SHANK2: variants seen among roughly 807,000 people sequenced by gnomAD.
SHANK2 encodes SH3 and multiple ankyrin repeat domains protein 2.
A neutral mutation model predicts 133.7 loss-of-function variants in SHANK2; 43 were observed. That is an observed-to-expected ratio of 0.32 (90% confidence interval 0.25 to 0.41). The LOEUF is 0.41. Ranked by LOEUF, SHANK2 falls within the 10% of genes least tolerant of loss-of-function variation. The pLI is 1.00. For missense variants in SHANK2, 1,994 were observed against 2,235.8 expected (o/e 0.89, Z 2.18); for synonymous variants, 1,017 against 952.8 (o/e 1.07, Z -1.24).
At chr11:70,902,394 T>C (rs1442136393) in intron 10 of SHANK2, among the ~76,000 whole-genome samples, 2 of 152,236 alleles carry the variant, frequency 1.3e-5, no homozygotes, top group African/African-American at 4.8e-5. Context: ...GCATCCTCCC[T>C]CGCTGGCCTC....
At chr11:71,250,350 T>C (rs1948158269) in intron 1 of SHANK2, among the ~76,000 whole-genome samples, 1 of 152,144 alleles carries the variant, frequency 6.6e-6, no homozygotes, top group Admixed American at 6.5e-5. Context: ...AGGCCTTATA[T>C]AGACAGTGCT....
chr11:70,906,853 C>T (rs535438703), intron 10 of SHANK2, among the ~76,000 whole-genome samples: 5 of 152,218 alleles, frequency 3.3e-5, no homozygotes, highest in African/African-American at 9.6e-5. Flanking sequence ...TCAAGGGAAT[C>T]TCTGCCCATC....
chr11:70,836,640 G>A (rs1348469598), intron 11 of SHANK2, among the ~76,000 whole-genome samples: 1 of 152,192 alleles, frequency 6.6e-6, no homozygotes, highest in Non-Finnish European at 1.5e-5. Context: ...CCAGACTGCA[G>A]ATGCCAGGAC....
rs976105911 is a variant in SHANK2, at chr11:71,078,705, A to C, written c.913-3430T>G. Among the ~76,000 whole-genome samples, 30 of 152,342 alleles carry C rather than the reference A, an allele frequency of 2.0e-4. 1 individual carries two copies. The highest frequency in any genetic ancestry group is 4.6e-4 in the Admixed American group (7 of 15,308). ...TACTGTTGCCATGGCAACACCCAGA[A>C]GTTACCACCCCTTTCCCTGGCAATG... On this transcript the variant is annotated intron_variant, in intron 8 of 25. Transcript: ENST00000601538.
intron 18 of SHANK2, 113 bp downstream of exon 18, chr11:70,502,683 A>T: frequency 3.2e-6 from 4 of 1,243,564 alleles, no homozygotes; most frequent in Non-Finnish European, 4.5e-6. Context: ...GGGCTCTCAG[A>T]AGTGTGGGAT....
intron 10 of SHANK2, among the ~76,000 whole-genome samples, chr11:70,899,453 T>C (rs1555076359): frequency 6.6e-6 from 1 of 152,200 alleles, no homozygotes; most frequent in Non-Finnish European, 1.5e-5. Flanking sequence ...CAGTCTCAGG[T>C]ATTTCTTCAT....
chr11:70,501,142 G>A (rs2059045011), intron 20 of SHANK2, among the ~76,000 whole-genome samples: 1 of 152,226 alleles, frequency 6.6e-6, no homozygotes, highest in Non-Finnish European at 1.5e-5. Flanking sequence ...GGGCACTACT[G>A]GTTCTGGGTG....
chr11:70,605,156 G>A (rs533299125), intron 17 of SHANK2, among the ~76,000 whole-genome samples: 3 of 152,060 alleles, frequency 2.0e-5, no homozygotes, highest in East Asian at 4.0e-4. Context: ...ACAGGGCCAC[G>A]TGTCTTTCTA....
chr11:70,741,166 CCCAT>C (rs1302676092), intron 14 of SHANK2, among the ~76,000 whole-genome samples: 5 of 134,424 alleles, frequency 3.7e-5, no homozygotes, highest in African/African-American at 1.3e-4. Flanking sequence ...GTGTCGCCTA[CCCAT>C]CCATCCATCC....
chr11:70,818,451 A>G (rs1334588013), intron 12 of SHANK2, among the ~76,000 whole-genome samples: 1 of 152,140 alleles, frequency 6.6e-6, no homozygotes, highest in African/African-American at 2.4e-5. Context: ...TAGCACATCT[A>G]GTCTGCAGCC....
intron 2 of SHANK2, among the ~76,000 whole-genome samples, chr11:71,187,260 G>C (rs1555114611): frequency 6.6e-6 from 1 of 152,250 alleles, no homozygotes; most frequent in Non-Finnish European, 1.5e-5. Flanking sequence ...ATGTAGACAT[G>C]AGGGGTAGAT....
At chr11:71,094,353 A>G (rs1555094840) in intron 7 of SHANK2, among the ~76,000 whole-genome samples, 184 bp downstream of exon 7, 2 of 152,088 alleles carry the variant, frequency 1.3e-5, no homozygotes, top group Admixed American at 1.3e-4. Context: ...CAGGAGAGAG[A>G]ACAGGAAAAT....
At chr11:71,225,297 A>G (rs182460081) in intron 1 of SHANK2, among the ~76,000 whole-genome samples, 1 of 152,346 alleles carries the variant, frequency 6.6e-6, no homozygotes, top group Admixed American at 6.5e-5. Context: ...TAGGGAGTCT[A>G]GATTTCCACC....
chr11:70,659,993 G>A (rs1555012842), intron 16 of SHANK2, 41 bp from the exon 17 acceptor site: 2 of 1,613,916 alleles, frequency 1.2e-6, no homozygotes, highest in African/African-American at 1.3e-5. Flanking sequence ...CCTGGGAGAT[G>A]TCTTCCAAGT....
chr11:70,931,689 C>T (rs563351308), intron 10 of SHANK2, among the ~76,000 whole-genome samples: 60 of 152,322 alleles, frequency 3.9e-4, no homozygotes, highest in Non-Finnish European at 8.4e-4. Flanking sequence ...GCCAAGGACA[C>T]AGCTATAATT....
Position 70,640,332 on chromosome 11 carries a change from G to A in SHANK2, c.2061+19496C>T, listed in dbSNP as rs186147802. Among the ~76,000 whole-genome samples, 62 of 152,304 alleles carry A rather than the reference G, an allele frequency of 4.1e-4. 1 individual carries two copies. The highest frequency in any genetic ancestry group is 5.9e-5 in the Non-Finnish European group (4 of 68,018). On this transcript the variant is annotated intron_variant, in intron 17 of 25. Transcript: ENST00000601538. Reference sequence around the variant, plus strand: ...AGAATCGCAGAGAGGAGAAGGCCACGTGAAGATGGAGGCAGAGACGAGCGA... The same window carrying A: ...AGAATCGCAGAGAGGAGAAGGCCACATGAAGATGGAGGCAGAGACGAGCGA...
intron 22 of SHANK2, among the ~76,000 whole-genome samples, chr11:70,491,480 G>C (rs2058886366): frequency 6.6e-6 from 1 of 152,206 alleles, no homozygotes; most frequent in Admixed American, 6.5e-5. Context: ...TGTGAGGGCA[G>C]ATATTGTAAC....
chr11:70,521,872 C>T (rs1453310438), intron 17 of SHANK2, among the ~76,000 whole-genome samples: 1 of 152,250 alleles, frequency 6.6e-6, no homozygotes, highest in South Asian at 2.1e-4. Flanking sequence ...GTCCTCGCTG[C>T]AAGGCTGTTA....
chr11:70,571,497 A>G (rs1223486705), intron 17 of SHANK2, among the ~76,000 whole-genome samples: 1 of 152,190 alleles, frequency 6.6e-6, no homozygotes, highest in Non-Finnish European at 1.5e-5. Context: ...ATTTTCCAGT[A>G]TAAAAGTCTA....
Sources: gnomAD v4.1 joint callset for allele counts (sites outside exome capture counted in the v4.1 genomes callset) on GRCh38, gnomAD v4.1.1 for gene constraint, MANE v1.5 for transcripts, NCBI Gene and HGNC (gene_info 2026-07-23, HGNC 2026-07-21) for gene names.